Variants in ZNF667 observed in about 807,000 individuals in gnomAD.
ZNF667 encodes the protein zinc finger protein 667, also known as myocardial ischemic preconditioning upregulated 1 ortholog.
Under a neutral mutation model 31.8 loss-of-function variants are expected in ZNF667, and 13 were observed. The observed-to-expected ratio is 0.41, with a 90% CI of 0.27 to 0.65. ZNF667 has a LOEUF of 0.65. Ranked by LOEUF, ZNF667 falls within the 30% of genes least tolerant of loss-of-function variation. The probability of loss-of-function intolerance (pLI) is 0.32; values close to 1 mark genes in which losing one functional copy is unlikely to be tolerated. For missense variants in ZNF667, 642 were observed against 725.6 expected, an observed-to-expected ratio of 0.88 and a Z score of 1.32; for synonymous variants, 228 against 247.1, an observed-to-expected ratio of 0.92 and a Z score of 0.73.
intron 6 of ZNF667, among the ~76,000 whole-genome samples, chr19:56,456,908 T>G (rs1404093428): frequency 1.3e-5 from 2 of 152,240 alleles, no homozygotes; most frequent in Non-Finnish European, 2.9e-5. Flanking sequence ...AGGATATTTC[T>G]TCATGTTGAA....
At chr19:56,443,644 T>A (rs562312040) in intron 6 of ZNF667, among the ~76,000 whole-genome samples, 2 of 152,316 alleles carry the variant, frequency 1.3e-5, no homozygotes, top group East Asian at 3.9e-4. Flanking sequence ...TGGCCATATA[T>A]GTAGTCTGTT....
chr19:56,454,461 G>T (rs2042893599), intron 6 of ZNF667, among the ~76,000 whole-genome samples: 1 of 151,840 alleles, frequency 6.6e-6, no homozygotes, highest in Non-Finnish European at 1.5e-5. Context: ...AAAACAGCTT[G>T]GTACTGAGAT....
intron 3 of ZNF667, chr19:56,467,049 C>A (rs1037004888): frequency 2.2e-6 from 1 of 456,678 alleles, no homozygotes; most frequent in East Asian, 7.0e-5. Flanking sequence ...TTGGGACCCT[C>A]TTTTCCAGCA....
chr19:56,446,927 G>A (rs923081743), intron 6 of ZNF667, among the ~76,000 whole-genome samples: 1 of 151,674 alleles, frequency 6.6e-6, no homozygotes, highest in African/African-American at 2.4e-5. Flanking sequence ...TCCTTCCTGT[G>A]TGGAATACTA....
Position 56,442,119 on chromosome 19 carries a change from C to A in ZNF667, c.876G>T (p.Lys292Asn). Residue 292 changes from lysine (K) to asparagine (N), a missense_variant, in exon 7 of 7, where the codon AAG (lysine) becomes AAT (asparagine). By Grantham distance (94) the Lys-to-Asn change is moderately conservative. Transcript: ENST00000504904. ...TTTTATGTACAACAAAGACTGATTT[C>A]TTTTTGAAGCCTCTCCCACATTTAT... ...KYNKCGRGFK[K>N]KSVFVVHKRI... is the part of the protein sequence containing the mutation. The A allele has an allele frequency of 6.2e-7, 1 of 1,613,402 alleles. No individual in the cohort carries two copies. The highest frequency in any genetic ancestry group is 1.1e-5 in the South Asian group (1 of 90,894).
intron 6 of ZNF667, among the ~76,000 whole-genome samples, chr19:56,451,173 G>A (rs187534656): frequency 6.6e-6 from 1 of 152,008 alleles, no homozygotes; most frequent in East Asian, 1.9e-4. Flanking sequence ...AAAAGAGCAG[G>A]AGCAGCTATA....
Position 56,441,710 on chromosome 19 carries a change from T to C in ZNF667, c.1285A>G (p.Asn429Asp). ...ECGKMFSGTA[N>D]LKIHQNIHSE... ...TGAATATTCTGATGTATTTTAAGGT[T>C]TGCAGTTCCAGAAAACATCTTCCCA... Residue 429 changes from asparagine to aspartate, a missense_variant, in exon 7 of 7, where the codon AAC becomes GAC. By Grantham distance (23) the Asn-to-Asp change is conservative (BLOSUM62 1). Coordinates refer to ENST00000504904, the MANE Select transcript of ZNF667 (RefSeq NM_001321356.2). This position sits in a 1 kb window ranked among gnomAD's most constrained non-coding sequence, Gnocchi z 4.2. 6.2e-7 allele frequency: 1 copy of C among 1,614,158 alleles called. No individual in the cohort carries two copies. Among genetic ancestry groups the C allele is most frequent in the Non-Finnish European group, 8.5e-7 (1 of 1,180,024 alleles).
In ZNF667 at chr19:56,441,280, C is replaced by T. The variant is rs1287434727; in HGVS notation, c.1715G>A (p.Arg572Gln). The change falls in exon 7 of 7, where the codon CGA (arginine) becomes CAA (glutamine). Residue 572 changes from arginine (R) to glutamine (Q), a missense_variant. Transcript: ENST00000504904. This position sits in a 1 kb window ranked among gnomAD's most constrained non-coding sequence, Gnocchi z 4.2. ...CTCTGAAGAATGACTTCTCTGATGTCGAATAAGGTCTGAGCCACTGCTAAA... is the reference window on the plus strand; with the variant it reads ...CTCTGAAGAATGACTTCTCTGATGTTGAATAAGGTCTGAGCCACTGCTAAA... Reference protein sequence around the residue: ...KAFSSGSDLIRHQRSHSSEKP... With the variant: ...KAFSSGSDLIQHQRSHSSEKP... 3 of 1,613,894 alleles carry T rather than the reference C, an allele frequency of 1.9e-6. No individual in the cohort carries two copies. The highest frequency in any genetic ancestry group is 2.2e-5 in the East Asian group (1 of 44,888).
At chr19:56,446,260 T>C (rs1455913199) in intron 6 of ZNF667, among the ~76,000 whole-genome samples, 1 of 152,234 alleles carries the variant, frequency 6.6e-6, no homozygotes, top group East Asian at 1.9e-4. Flanking sequence ...AATAATCACG[T>C]ACCTCACAAG....
intron 3 of ZNF667, among the ~76,000 whole-genome samples, chr19:56,469,129 G>A (rs767580951): frequency 6.6e-6 from 1 of 152,218 alleles, no homozygotes; most frequent in Non-Finnish European, 1.5e-5. Context: ...GCTAGGGTGA[G>A]ATGAAGAGGT....
At chr19:56,474,705 G>A (rs138800273) in intron 1 of ZNF667, 47 of 152,466 alleles carry the variant, frequency 3.1e-4, no homozygotes, top group African/African-American at 1.1e-3. Flanking sequence ...CAGAGCTGTA[G>A]CTCTTAACCC....
intron 6 of ZNF667, among the ~76,000 whole-genome samples, chr19:56,450,450 T>C (rs1208851447): frequency 1.3e-5 from 2 of 151,888 alleles, no homozygotes; most frequent in Non-Finnish European, 2.9e-5. Flanking sequence ...ACACCAGACC[T>C]CTCCTACAAG....
At chr19:56,451,273 T>C (rs2042816161) in intron 6 of ZNF667, among the ~76,000 whole-genome samples, 1 of 151,488 alleles carries the variant, frequency 6.6e-6, no homozygotes, top group African/African-American at 2.4e-5. Flanking sequence ...CAAAGGGATA[T>C]AACAATTGTA....
In ZNF667 at chr19:56,441,297, A is replaced by G. The variant is rs1269198375; in HGVS notation, c.1698T>C (p.Ser566=). ...ECNECGKAFS[S]GSDLIRHQRS... is the part of the protein sequence containing the mutation. ...TCTGATGTCGAATAAGGTCTGAGCC[A>G]CTGCTAAATGCCTTCCCACATTCAT... Residue 566 remains serine, a synonymous_variant, in exon 7 of 7, where the codon AGT becomes AGC. Coordinates refer to ENST00000504904, the MANE Select transcript of ZNF667 (RefSeq NM_001321356.2). The surrounding 1 kb of genome is among the most constrained non-coding windows in gnomAD (Gnocchi z 4.2). The G allele has an allele frequency of 6.2e-7, 1 of 1,614,174 alleles. No homozygotes were observed. Among genetic ancestry groups the G allele is most frequent in the Non-Finnish European group, 8.5e-7 (1 of 1,180,028 alleles).
chr19:56,455,148 G>A (rs1244869232), intron 6 of ZNF667, among the ~76,000 whole-genome samples: 1 of 152,108 alleles, frequency 6.6e-6, no homozygotes. Flanking sequence ...CAGTTAAAAT[G>A]ACTTTTATCC....
At chr19:56,469,491 T>C (rs1255238843) in intron 3 of ZNF667, among the ~76,000 whole-genome samples, 5 of 152,032 alleles carry the variant, frequency 3.3e-5, no homozygotes, top group African/African-American at 9.7e-5. Flanking sequence ...CTGGAGGGAG[T>C]TGTAAGAATG....
At chr19:56,473,880 C>G (rs1176259337) in intron 2 of ZNF667, 132 bp downstream of exon 2, 1 of 152,188 alleles carries the variant, frequency 6.6e-6, no homozygotes, top group Non-Finnish European at 1.5e-5. Context: ...GTGACTGTCC[C>G]TGAAGAAAGG....
At chr19:56,472,704 T>C (rs1222881683) in intron 2 of ZNF667, 2 of 152,256 alleles carry the variant, frequency 1.3e-5, no homozygotes, top group East Asian at 1.9e-4. Flanking sequence ...GAATAGAGTA[T>C]GCAATACATG....
intron 2 of ZNF667, chr19:56,472,726 A>C (rs1600465165): frequency 6.6e-6 from 1 of 152,232 alleles, no homozygotes; most frequent in East Asian, 1.9e-4. Context: ...AACACACAAA[A>C]TATGTGTTAA....
Sources: allele counts gnomAD v4.1 joint callset (sites outside exome capture counted in the v4.1 genomes callset), GRCh38; gene constraint gnomAD v4.1.1; non-coding constraint Gnocchi (gnomAD v3.1); transcripts MANE v1.5; gene names NCBI Gene and HGNC (gene_info 2026-07-23, HGNC 2026-07-21).